Variants in NPAS3 observed in about 807,000 individuals in gnomAD.
NPAS3 encodes neuronal PAS domain-containing protein 3.
A neutral mutation model predicts 73.1 loss-of-function variants in NPAS3; 14 were observed. The observed-to-expected ratio is 0.19, with a 90% confidence interval of 0.13 to 0.30. The LOEUF (loss-of-function observed/expected upper bound fraction) is 0.30, where lower values mean the gene tolerates loss of function less well. Ranked by LOEUF, NPAS3 falls within the 10% of genes least tolerant of loss-of-function variation. The pLI, the probability that NPAS3 is intolerant of heterozygous loss-of-function variation, is 1.00. For synonymous variants in NPAS3, 620 were observed against 541.5 expected, an observed-to-expected ratio of 1.14 and a Z score of -2.01; for missense variants, 1,096 against 1,250.0, an observed-to-expected ratio of 0.88 and a Z score of 1.86.
intron 6 of NPAS3, among the ~76,000 whole-genome samples, chr14:33,685,504 G>T (rs575770387): frequency 1.3e-4 from 20 of 151,236 alleles, no homozygotes; most frequent in African/African-American, 4.9e-4. Flanking sequence ...TGCTCCTGCT[G>T]CATGATAGGT....
chr14:33,681,690 T>TTATGGTGAGATAATATCATG (rs1345107194), intron 6 of NPAS3, among the ~76,000 whole-genome samples: 1 of 152,256 alleles, frequency 6.6e-6, no homozygotes, highest in Non-Finnish European at 1.5e-5. Flanking sequence ...TGGAGTCATT[T>TTATGGTGAGATAATATCATG]TATGGTGAGA....
intron 2 of NPAS3, among the ~76,000 whole-genome samples, chr14:33,111,976 A>G (rs1233429901): frequency 6.6e-6 from 1 of 152,068 alleles, no homozygotes; most frequent in Non-Finnish European, 1.5e-5. Context: ...AGCTTCATCC[A>G]TGTCCCTACA....
chr14:33,657,217 A>T (rs1438488323), intron 5 of NPAS3, among the ~76,000 whole-genome samples: 1 of 152,222 alleles, frequency 6.6e-6, no homozygotes, highest in Non-Finnish European at 1.5e-5. Context: ...AGACTGTAAC[A>T]AGCCCCTAAA....
At position 33,183,625 on chromosome 14, in the gene NPAS3, C is replaced by T. The variant is rs191048877; in HGVS notation, c.141-31557C>T. On this transcript the variant is annotated intron_variant, in intron 2 of 11. Coordinates refer to ENST00000356141, the Ensembl canonical transcript of NPAS3. Reference sequence around the variant, plus strand: ...TCCCAACTGAAATGTTGCATAGTGTCCTGGTCATTCCCTCTCTTCCACTTC... The same window carrying T: ...TCCCAACTGAAATGTTGCATAGTGTTCTGGTCATTCCCTCTCTTCCACTTC... Among the ~76,000 whole-genome samples the T allele has an allele frequency of 1.4e-3, 212 of 151,734 alleles. 1 individual carries two copies. Among genetic ancestry groups the T allele is most frequent in the African/African-American group, 4.7e-3 (196 of 41,282 alleles).
chr14:33,115,820 C>T (rs961984562), intron 2 of NPAS3, among the ~76,000 whole-genome samples: 1 of 152,042 alleles, frequency 6.6e-6, no homozygotes, highest in African/African-American at 2.4e-5. Context: ...ATGAAGGTGA[C>T]CTGCATCTAT....
chr14:32,941,309 C>CTCCT (rs1226851739), intron 1 of NPAS3, among the ~76,000 whole-genome samples: 819 of 6,862 alleles, frequency 0.12, 74 homozygotes, highest in Middle Eastern at 0.25. Context: ...CCCTCCCTCC[C>CTCCT]TCCTTCCTTC....
chr14:33,215,360 G>T (rs372688106), exon 3 of NPAS3: 27 of 1,611,252 alleles, frequency 1.7e-5, no homozygotes, highest in Non-Finnish European at 2.2e-5. Flanking sequence ...GAGGGACTTT[G>T]CTAACCAGGG....
chr14:33,313,942 C>A lies in NPAS3; in HGVS notation c.386-53244C>A, dbSNP rs535981270. 6.6e-5 allele frequency among the ~76,000 whole-genome samples: 10 copies of A among 152,148 alleles called. No homozygotes were observed. The South Asian group carries it at 2.1e-3, about 32-fold the overall frequency. On this transcript the variant is annotated intron_variant, in intron 3 of 11. Transcript: ENST00000356141. ...TATGCATAATTCATTGAACTCTATT[C>A]AAGGTCTGCAGAGGCAATATTTCCA... is the stretch of plus-strand genomic sequence containing the variant.
chr14:33,210,813 C>A (rs915456913), intron 2 of NPAS3, among the ~76,000 whole-genome samples: 1 of 152,052 alleles, frequency 6.6e-6, no homozygotes, highest in Non-Finnish European at 1.5e-5. Context: ...ATTTATAAAT[C>A]TTTAAGCATC....
intron 9 of NPAS3, among the ~76,000 whole-genome samples, chr14:33,781,766 T>A (rs1040756369): frequency 6.6e-6 from 1 of 152,242 alleles, no homozygotes; most frequent in African/African-American, 2.4e-5. Context: ...AGCGTTTTTT[T>A]AAAAGACTTA....
At chr14:33,359,523 T>C (rs1314208480) in intron 3 of NPAS3, among the ~76,000 whole-genome samples, 1 of 152,176 alleles carries the variant, frequency 6.6e-6, no homozygotes, top group Non-Finnish European at 1.5e-5. Context: ...GTTTGCTTGC[T>C]GCTGAGGTCA....
intron 3 of NPAS3, among the ~76,000 whole-genome samples, chr14:33,252,822 T>C (rs2048638564): frequency 6.6e-6 from 1 of 151,880 alleles, no homozygotes; most frequent in Admixed American, 6.6e-5. Context: ...GTCCCCAGTC[T>C]GTATTATCTA....
chr14:33,363,190 C>T, intron 3 of NPAS3, among the ~76,000 whole-genome samples: 1 of 152,192 alleles, frequency 6.6e-6, no homozygotes, highest in East Asian at 1.9e-4. Context: ...ACGTGAGTGC[C>T]TCCCCTGAGG....
chr14:33,582,057 T>C, intron 5 of NPAS3: 1 of 152,200 alleles, frequency 6.6e-6, no homozygotes, highest in East Asian at 1.9e-4. Flanking sequence ...AATTTTTATA[T>C]ATGTACCCAT....
At chr14:33,538,550 C>T (rs2054359236) in intron 4 of NPAS3, among the ~76,000 whole-genome samples, 1 of 152,172 alleles carries the variant, frequency 6.6e-6, no homozygotes, top group African/African-American at 2.4e-5. Flanking sequence ...CCCAAGTTAT[C>T]TAATATTAAA....
chr14:33,564,823 A>G (rs760904476), intron 5 of NPAS3, among the ~76,000 whole-genome samples: 2 of 152,226 alleles, frequency 1.3e-5, no homozygotes, highest in African/African-American at 2.4e-5. Context: ...GGTCCTGTTT[A>G]CAACAAAAAT....
At chr14:33,105,534 C>T (rs983755744) in intron 2 of NPAS3, among the ~76,000 whole-genome samples, 39 of 152,034 alleles carry the variant, frequency 2.6e-4, no homozygotes, top group African/African-American at 9.2e-4. Flanking sequence ...TTATCTCTAC[C>T]TAGTTTTAAC....
At chr14:33,764,951 T>A (rs2062414027) in intron 7 of NPAS3, among the ~76,000 whole-genome samples, 1 of 152,152 alleles carries the variant, frequency 6.6e-6, no homozygotes, top group Non-Finnish European at 1.5e-5. Flanking sequence ...TCTGAGAAAA[T>A]GTGGTTTATA....
chr14:33,651,359 G>A (rs918359257), intron 5 of NPAS3, among the ~76,000 whole-genome samples: 21 of 152,138 alleles, frequency 1.4e-4, no homozygotes, highest in African/African-American at 5.1e-4. Context: ...GGCTAGGTGG[G>A]TAATAAGTAC....
Sources: allele counts gnomAD v4.1 joint callset (sites outside exome capture counted in the v4.1 genomes callset), GRCh38; gene constraint gnomAD v4.1.1; transcripts MANE v1.5; gene names NCBI Gene and HGNC (gene_info 2026-07-23, HGNC 2026-07-21).